The following SLC25A18 variants were observed in gnomAD, a reference collection of about 807,000 sequenced individuals.
SLC25A18 encodes the protein mitochondrial glutamate carrier 2.
Under a neutral mutation model 31.1 loss-of-function variants are expected in SLC25A18, and 24 were observed. That is an observed-to-expected ratio of 0.77 (90% CI 0.56 to 1.08). The LOEUF is 1.08. Among genes scored for constraint, SLC25A18 ranks in the 50% least tolerant of loss-of-function variants. The pLI is 0.00. For synonymous variants in SLC25A18, 173 were observed against 161.9 expected (o/e 1.07, Z -0.52); for missense variants, 371 against 418.5 (o/e 0.89, Z 0.99).
intron 7 of SLC25A18, chr22:17,585,402 A>C (rs2057515005): frequency 6.6e-6 from 1 of 151,934 alleles, no homozygotes; most frequent in Non-Finnish European, 1.5e-5. Context: ...GAAAAAAAAA[A>C]CAGAAAGAAA....
Position 17,582,673 on chromosome 22 carries a change from G to T in SLC25A18, c.290+20G>T. The T allele has an allele frequency of 6.3e-7, 1 of 1,584,476 alleles. No homozygotes were observed. The highest frequency in any genetic ancestry group is 8.6e-7 in the Non-Finnish European group (1 of 1,163,202). On this transcript the variant is annotated intron_variant, in intron 6 of 10. Coordinates refer to ENST00000327451, the MANE Select transcript of SLC25A18 (RefSeq NM_031481.3). ...AGATGGGTATGGCCAGGTGGGGTGG[G>T]GTTGGATCCTTCACTGTGTGTTTTT...
At position 17,590,697 on chromosome 22, in the gene SLC25A18, CAAGGGACCGTG is replaced by C. The variant is rs1450879970; in HGVS notation, c.*464_*474del. On this transcript the variant is annotated 3_prime_UTR_variant, in exon 11 of 11. Coordinates refer to ENST00000327451, the MANE Select transcript of SLC25A18 (RefSeq NM_031481.3). The stretch of plus-strand genomic sequence containing the variant: ...TTGAGGAAAAGGAGGATCAGAAGTT[CAAGGGACCGTG>C]AAAGCCCTCAGAGTCAGCACCTAGT... 6.5e-6 allele frequency: 1 copy of C among 154,434 alleles called. No homozygotes were observed. The highest frequency in any genetic ancestry group is 1.4e-5 in the Non-Finnish European group (1 of 69,460). 9.6% of individuals were successfully genotyped at this position (154,434 alleles called of 1,614,324 possible).
At position 17,565,973 on chromosome 22, in the gene SLC25A18, G is replaced by A. The variant is rs190283495; in HGVS notation, c.-264+2260G>A. Among the ~76,000 whole-genome samples the A allele has an allele frequency of 6.6e-5, 10 of 152,124 alleles. No homozygotes were observed. The East Asian group carries it at 1.5e-3, about 24-fold the overall frequency. ...CTCCCAAAGCACAAGGATTACAGGC[G>A]TGAGCCACCGCACCTGGCCTCTGTG... On this transcript the variant is annotated intron_variant, in intron 1 of 10. Coordinates refer to ENST00000327451, the MANE Select transcript of SLC25A18 (RefSeq NM_031481.3).
rs1012539279 is a variant in SLC25A18, at chr22:17,579,792, C to T, written c.-153C>T. 3 of 1,407,618 alleles carry T rather than the reference C, an allele frequency of 2.1e-6. No individual in the cohort carries two copies. Among genetic ancestry groups the T allele is most frequent in the South Asian group, 1.6e-5 (1 of 61,238 alleles). 87.2% of individuals were successfully genotyped at this position (1,407,618 alleles called of 1,614,324 possible). On this transcript the variant is annotated 5_prime_UTR_variant, in exon 3 of 11. Transcript: ENST00000327451. ...AGGTCGTCACTTGCCGGGAAGGTGG[C>T]TCGGGCCAGGCTGCACTCAAAACCC...
intron 1 of SLC25A18, among the ~76,000 whole-genome samples, chr22:17,569,166 G>T (rs985559628): frequency 6.6e-6 from 1 of 151,622 alleles, no homozygotes. Flanking sequence ...CCGCCACCAC[G>T]CCCAGCTAAT....
At chr22:17,569,682 G>A (rs1490498169) in intron 1 of SLC25A18, 10 of 985,404 alleles carry the variant, frequency 1.0e-5, no homozygotes, top group Non-Finnish European at 1.2e-5. Flanking sequence ...CTTTTTGTCC[G>A]AGTCATACTA....
At chr22:17,588,188 G>A in intron 9 of SLC25A18, 109 bp downstream of exon 9, 1 of 1,355,926 alleles carries the variant, frequency 7.4e-7, no homozygotes, top group Admixed American at 2.5e-5. Context: ...CTGGCTGCTG[G>A]CGGAGGCTCA....
intron 2 of SLC25A18, among the ~76,000 whole-genome samples, chr22:17,574,523 A>AT (rs367706227): frequency 0.11 from 15,304 of 134,264 alleles, 995 homozygotes; most frequent in East Asian, 0.23. Flanking sequence ...TTTTTTTTTT[A>AT]TTTTTTTTTT....
intron 2 of SLC25A18, among the ~76,000 whole-genome samples, chr22:17,577,801 GA>G (rs1160868391): frequency 6.6e-6 from 1 of 150,426 alleles, no homozygotes; most frequent in Non-Finnish European, 1.5e-5. Flanking sequence ...GGCTGGTCTC[GA>G]ACTCCTGACC....
intron 2 of SLC25A18, among the ~76,000 whole-genome samples, chr22:17,578,934 C>T (rs564597206): frequency 1.3e-5 from 2 of 152,260 alleles, no homozygotes; most frequent in South Asian, 4.2e-4. Flanking sequence ...CAGAAGCTGT[C>T]ATAATTGTTG....
Position 17,590,596 on chromosome 22 carries a change from C to G in SLC25A18, c.*360C>G. 1 of 192,002 alleles carries G rather than the reference C, an allele frequency of 5.2e-6. No homozygotes were observed. Among genetic ancestry groups the G allele is most frequent in the African/African-American group, 2.3e-5 (1 of 43,318 alleles). 11.9% of individuals were successfully genotyped at this position (192,002 alleles called of 1,614,324 possible). A position where few individuals can be genotyped will look rare whatever the true frequency, so the allele number is the denominator to read the frequency against. On this transcript the variant is annotated 3_prime_UTR_variant, in exon 11 of 11. Transcript: ENST00000327451. ...AACATTTCTATTTCACAGTCAAACT[C>G]GGCATTCTTCAGTCAGCTTGAGGAT... is the stretch of plus-strand genomic sequence containing the variant.
At position 17,585,647 on chromosome 22, in the gene SLC25A18, A is replaced by ATT. The variant is rs1449640998; in HGVS notation, c.410-1488_410-1487dup. On this transcript the variant is annotated intron_variant, in intron 7 of 10. Transcript: ENST00000327451. ...TATTATTTATTTTATTATTATTATTATTATTTTTTTTTTTTTTTTGAGGCA... is the reference window on the plus strand; with the variant it reads ...TATTATTTATTTTATTATTATTATTATTTTATTTTTTTTTTTTTTTTGAGGCA... 9.6e-3 allele frequency among the ~76,000 whole-genome samples: 1,331 copies of ATT among 138,144 alleles called. 27 individuals carry two copies. Among genetic ancestry groups the ATT allele is most frequent in the African/African-American group, 0.037 (1,272 of 34,300 alleles). The allele number at this position is 138,144 out of a possible 152,430, so 90.6% of individuals were successfully genotyped here. A position where few individuals can be genotyped will look rare whatever the true frequency, so the allele number is the denominator to read the frequency against.
intron 5 of SLC25A18, 69 bp from the exon 6 acceptor site, chr22:17,582,493 TG>T: frequency 7.3e-7 from 1 of 1,369,326 alleles, no homozygotes; most frequent in Non-Finnish European, 1.0e-6. Flanking sequence ...TGGCTAGGGC[TG>T]AAGGGCAGAC....
Position 17,579,795 on chromosome 22 carries a change from G to C in SLC25A18, c.-150G>C. 1.4e-6 allele frequency: 2 copies of C among 1,406,410 alleles called. No homozygotes were observed. The highest frequency in any genetic ancestry group is 1.9e-6 in the Non-Finnish European group (2 of 1,077,370). 87.1% of individuals were successfully genotyped at this position (1,406,410 alleles called of 1,614,324 possible). A position where few individuals can be genotyped will look rare whatever the true frequency, so the allele number is the denominator to read the frequency against. On this transcript the variant is annotated 5_prime_UTR_variant, in exon 3 of 11. Transcript: ENST00000327451. ...TCGTCACTTGCCGGGAAGGTGGCTC[G>C]GGCCAGGCTGCACTCAAAACCCGTG...
At chr22:17,572,585 G>A (rs1185601135) in intron 2 of SLC25A18, among the ~76,000 whole-genome samples, 8 of 151,800 alleles carry the variant, frequency 5.3e-5, no homozygotes, top group Non-Finnish European at 1.2e-4. Context: ...TTTGAGCCCA[G>A]GCATTCATGA....
At chr22:17,587,007 C>T in intron 7 of SLC25A18, 129 bp from the exon 8 acceptor site, 1 of 1,038,782 alleles carries the variant, frequency 9.6e-7, no homozygotes, top group South Asian at 1.6e-5. Context: ...GGACATTCTT[C>T]TGGATGCCAG....
chr22:17,587,648 T>C (rs2057588465), intron 8 of SLC25A18, among the ~76,000 whole-genome samples: 1 of 152,182 alleles, frequency 6.6e-6, no homozygotes, highest in Non-Finnish European at 1.5e-5. Flanking sequence ...CCTGCCCCTG[T>C]ACAGAACGCA....
rs1245746794 is a variant in SLC25A18, at chr22:17,590,939, C to A, written c.*703C>A. 1.3e-5 allele frequency: 2 copies of A among 152,238 alleles called. No homozygotes were observed. Among genetic ancestry groups the A allele is most frequent in the Non-Finnish European group, 2.9e-5 (2 of 68,048 alleles). The allele number at this position is 152,238 out of a possible 1,614,324, so 9.4% of individuals were successfully genotyped here. A position where few individuals can be genotyped will look rare whatever the true frequency, so the allele number is the denominator to read the frequency against. ...GATAGGCTGCAGTGAATGCTATCACCATCTACTTTTCTACGTCCATTTCAA... is the reference window on the plus strand; with the variant it reads ...GATAGGCTGCAGTGAATGCTATCACAATCTACTTTTCTACGTCCATTTCAA... On this transcript the variant is annotated 3_prime_UTR_variant, in exon 11 of 11. Coordinates refer to ENST00000327451, the MANE Select transcript of SLC25A18 (RefSeq NM_031481.3).
Position 17,582,583 on chromosome 22 carries a change from C to T in SLC25A18, c.220C>T (p.Leu74=), listed in dbSNP as rs781467201. The T allele has an allele frequency of 6.2e-7, 1 of 1,601,350 alleles. No individual in the cohort carries two copies. The highest frequency in any genetic ancestry group is 8.5e-7 in the Non-Finnish European group (1 of 1,173,214). ...TCCAGGGGCTGCAGTGAACCTCACT[C>T]TGGTCACTCCAGAGAAGGCCATCAA... ...MYRGAAVNLT[L]VTPEKAIKLA... Residue 74 remains leucine (L), a synonymous_variant, in exon 6 of 11, where the codon CTG becomes TTG. Coordinates refer to ENST00000327451, the MANE Select transcript of SLC25A18 (RefSeq NM_031481.3).
Sources: gnomAD v4.1 joint callset for allele counts (sites outside exome capture counted in the v4.1 genomes callset) on GRCh38, gnomAD v4.1.1 for gene constraint, MANE v1.5 for transcripts, NCBI Gene and HGNC (gene_info 2026-07-23, HGNC 2026-07-21) for gene names.